KCNH1: variants seen among roughly 807,000 people sequenced by gnomAD.
KCNH1 encodes potassium voltage-gated channel subfamily H member 1.
A neutral mutation model predicts 69.2 loss-of-function variants in KCNH1; 27 were observed. The observed-to-expected ratio is 0.39, with a 90% CI of 0.29 to 0.54. KCNH1 has a LOEUF of 0.54. Ranked by LOEUF, KCNH1 falls within the 20% of genes least tolerant of loss-of-function variation. KCNH1 has a pLI of 0.68. For synonymous variants in KCNH1, 456 were observed against 487.7 expected (o/e 0.93, Z 0.86); for missense variants, 798 against 1,261.6 (o/e 0.63, Z 5.57).
rs1013618490 is a variant in KCNH1, at chr1:210,919,369, G to C, written c.1462+271C>G. 2 of 395,302 alleles carry C rather than the reference G, an allele frequency of 5.1e-6. No individual in the cohort carries two copies. The highest frequency in any genetic ancestry group is 9.1e-6 in the Non-Finnish European group (2 of 219,132). 24.5% of individuals were successfully genotyped at this position (395,302 alleles called of 1,614,324 possible). A position where few individuals can be genotyped will look rare whatever the true frequency, so the allele number is the denominator to read the frequency against. ...GATATGCAAAGAAAATAGTCTGTAA[G>C]AGAAGACACCAACAGTATTAGTAGT... On this transcript the variant is annotated intron_variant, in intron 7 of 10. Coordinates refer to ENST00000271751, the MANE Select transcript of KCNH1 (RefSeq NM_172362.3). This position sits in a 1 kb window ranked among gnomAD's most constrained non-coding sequence, Gnocchi z 4.2.
intron 7 of KCNH1, among the ~76,000 whole-genome samples, chr1:210,807,542 G>A (rs1180324734): frequency 6.6e-6 from 1 of 151,920 alleles, no homozygotes; most frequent in Non-Finnish European, 1.5e-5. Flanking sequence ...AACCTGGGAG[G>A]TGCATGTTGC....
intron 6 of KCNH1, among the ~76,000 whole-genome samples, chr1:210,993,080 C>G (rs1428866149): frequency 6.6e-6 from 1 of 152,216 alleles, no homozygotes; most frequent in East Asian, 1.9e-4. Context: ...CTTTCTCACT[C>G]ACTTAAGCTT....
chr1:210,990,537 C>G (rs1283328935), intron 6 of KCNH1, among the ~76,000 whole-genome samples: 1 of 152,166 alleles, frequency 6.6e-6, no homozygotes, highest in Non-Finnish European at 1.5e-5. Context: ...GGTACCCTCT[C>G]TTGATCTCAG....
At chr1:210,707,500 TC>T (rs1681942335) in intron 10 of KCNH1, among the ~76,000 whole-genome samples, 1 of 152,122 alleles carries the variant, frequency 6.6e-6, no homozygotes. Flanking sequence ...TCTGCTGTGC[TC>T]CCCCCACGCT....
chr1:210,895,080 ATTGTCCT>A (rs2102527750), intron 7 of KCNH1, among the ~76,000 whole-genome samples: 1 of 151,620 alleles, frequency 6.6e-6, no homozygotes, highest in South Asian at 2.1e-4. Context: ...CTTAGGGATC[ATTGTCCT>A]TTGTTACTTG....
At chr1:211,130,379 G>A (rs1691855289) in intron 1 of KCNH1, among the ~76,000 whole-genome samples, 1 of 152,144 alleles carries the variant, frequency 6.6e-6, no homozygotes, top group South Asian at 2.1e-4. Flanking sequence ...AAACACCTTA[G>A]AAATGTTTTT....
intron 5 of KCNH1, among the ~76,000 whole-genome samples, chr1:211,026,376 C>CAAAAAAAAAAAA (rs34132386): frequency 2.8e-5 from 2 of 72,688 alleles, no homozygotes; most frequent in African/African-American, 4.5e-5. Context: ...GGAGTATAGA[C>CAAAAAAAAAAAA]AAAAAAAAAA....
chr1:210,799,515 G>T (rs1684388873), intron 8 of KCNH1, among the ~76,000 whole-genome samples: 1 of 152,168 alleles, frequency 6.6e-6, no homozygotes, highest in Middle Eastern at 3.4e-3. Flanking sequence ...TTTCCTAGAG[G>T]GAGAAATATT....
At position 210,775,563 on chromosome 1, in the gene KCNH1, C is replaced by T. The variant is rs767300762; in HGVS notation, c.1916-19G>A. On this transcript the variant is annotated intron_variant, in intron 9 of 10. Transcript: ENST00000271751. ...CCTTTTCCTAAGGAGAGAAGGTTGT[C>T]ATGAGGAAAGTGTTGGCCAGGAGAG... 9 of 1,605,772 alleles carry T rather than the reference C, an allele frequency of 5.6e-6. No homozygotes were observed. Among genetic ancestry groups the T allele is most frequent in the Admixed American group, 3.3e-5 (2 of 59,816 alleles).
intron 10 of KCNH1, among the ~76,000 whole-genome samples, chr1:210,774,534 G>T (rs1049668896): frequency 1.3e-5 from 2 of 152,124 alleles, no homozygotes; most frequent in African/African-American, 2.4e-5. Context: ...ACAGTGAGCA[G>T]GTTGGGAGAA....
At chr1:210,729,988 G>C (rs1057465329) in intron 10 of KCNH1, among the ~76,000 whole-genome samples, 1 of 152,130 alleles carries the variant, frequency 6.6e-6, no homozygotes, top group Non-Finnish European at 1.5e-5. Context: ...GGTCGGTCAA[G>C]AGAGTCCCCC....
intron 10 of KCNH1, among the ~76,000 whole-genome samples, chr1:210,768,762 A>G (rs1777244): frequency 0.6 from 91,934 of 151,984 alleles, 28,283 homozygotes; most frequent in African/African-American, 0.66. Context: ...CCTGACTACA[A>G]TTTAAGCTAA....
At chr1:210,808,141 G>T (rs186019805) in intron 7 of KCNH1, among the ~76,000 whole-genome samples, 1 of 152,176 alleles carries the variant, frequency 6.6e-6, no homozygotes, top group Non-Finnish European at 1.5e-5. Context: ...TCTTTTTCCA[G>T]TGAGTCTGAC....
At chr1:210,797,799 C>A in intron 8 of KCNH1, 39 bp from the exon 9 acceptor site, 1 of 1,585,672 alleles carries the variant, frequency 6.3e-7, no homozygotes, top group Middle Eastern at 1.7e-4. Context: ...AGGGTCCTCA[C>A]TGTGGCCTTC....
At chr1:210,735,465 T>A (rs970635102) in intron 10 of KCNH1, among the ~76,000 whole-genome samples, 6 of 134,220 alleles carry the variant, frequency 4.5e-5, no homozygotes, top group South Asian at 2.5e-4. Context: ...TGTGTGTGTG[T>A]GATGCTGGGA....
chr1:210,813,430 G>A (rs1684748004), intron 7 of KCNH1, among the ~76,000 whole-genome samples: 1 of 152,198 alleles, frequency 6.6e-6, no homozygotes, highest in South Asian at 2.1e-4. Flanking sequence ...TCATGGATGA[G>A]GAGGGGCTGA....
chr1:211,106,932 G>T (rs997547847), intron 2 of KCNH1, among the ~76,000 whole-genome samples: 1 of 152,144 alleles, frequency 6.6e-6, no homozygotes, highest in Non-Finnish European at 1.5e-5. Flanking sequence ...CACTGTATTT[G>T]AGCCTCTAAC....
chr1:210,747,723 G>A (rs1683193112), intron 10 of KCNH1, among the ~76,000 whole-genome samples: 1 of 151,162 alleles, frequency 6.6e-6, no homozygotes, highest in Non-Finnish European at 1.5e-5. Context: ...TGGCTTGAAT[G>A]TAATAGTATT....
At chr1:210,861,444 C>A in intron 7 of KCNH1, 1 of 776,426 alleles carries the variant, frequency 1.3e-6, no homozygotes, top group Non-Finnish European at 2.4e-6. Flanking sequence ...GAAACACTGC[C>A]AGAGCTTCCA....
Sources: allele counts gnomAD v4.1 joint callset (sites outside exome capture counted in the v4.1 genomes callset), GRCh38; gene constraint gnomAD v4.1.1; non-coding constraint Gnocchi (gnomAD v3.1); transcripts MANE v1.5; gene names NCBI Gene and HGNC (gene_info 2026-07-23, HGNC 2026-07-21).